DGKH: variants seen among roughly 807,000 people sequenced by gnomAD.
DGKH encodes DAG kinase eta.
Under a neutral mutation model 159.3 loss-of-function variants are expected in DGKH, and 90 were observed. The ratio of observed to expected loss-of-function variants is 0.57; its 90% CI spans 0.48 to 0.67. The LOEUF (loss-of-function observed/expected upper bound fraction) is 0.67, where lower values mean the gene tolerates loss of function less well. Ranked by LOEUF, DGKH falls within the 30% of genes least tolerant of loss-of-function variation. The pLI is 0.00. For missense variants in DGKH, 1,181 were observed against 1,506.1 expected, an observed-to-expected ratio of 0.78 and a Z score of 3.57; for synonymous variants, 536 against 553.8, an observed-to-expected ratio of 0.97 and a Z score of 0.45.
chr13:42,164,904 A>G (rs1457811478), intron 7 of DGKH, among the ~76,000 whole-genome samples: 1 of 152,194 alleles, frequency 6.6e-6, no homozygotes, highest in Non-Finnish European at 1.5e-5. Context: ...GTTAAATTTT[A>G]TAAGAATTTT....
rs1215906786 is a variant in DGKH, at chr13:42,238,546, CT to C, written c.*9361del. 1 of 152,170 alleles carries C rather than the reference CT, an allele frequency of 6.6e-6. No homozygotes were observed. The highest frequency in any genetic ancestry group is 1.5e-5 in the Non-Finnish European group (1 of 68,012). The allele number at this position is 152,170 out of a possible 1,614,324, so 9.4% of individuals were successfully genotyped here. A position where few individuals can be genotyped will look rare whatever the true frequency, so the allele number is the denominator to read the frequency against. ...TAACTCCCCAAAGAGGAAAATGTCT[CT>C]TTAAACCAGTAGTTAAAAAGATGGA... On this transcript the variant is annotated 3_prime_UTR_variant, in exon 30 of 30. Transcript: ENST00000337343.
chr13:42,244,844 CA>C (rs1958566489), downstream of DGKH, among the ~76,000 whole-genome samples: 1 of 124,696 alleles, frequency 8.0e-6, no homozygotes, highest in African/African-American at 3.1e-5. Context: ...GCGGAGCTTG[CA>C]GTGAGCCGAG....
chr13:42,069,788 A>G, intron 1 of DGKH: 1 of 1,080,122 alleles, frequency 9.3e-7, no homozygotes, highest in Non-Finnish European at 1.3e-6. Flanking sequence ...TCCAGATCAC[A>G]ATATTTGTTT....
intron 24 of DGKH, among the ~76,000 whole-genome samples, chr13:42,212,229 A>G (rs1957674605): frequency 6.6e-6 from 1 of 152,180 alleles, no homozygotes; most frequent in South Asian, 2.1e-4. Context: ...TTAGATAACT[A>G]GACTGTGTGA....
In DGKH at chr13:42,193,887, T is replaced by C. The variant is rs145508732; in HGVS notation, c.2036-998T>C. 4.6e-5 allele frequency among the ~76,000 whole-genome samples: 7 copies of C among 152,288 alleles called. No homozygotes were observed. In the East Asian group the frequency reaches 1.2e-3, roughly 25 times the overall value. On this transcript the variant is annotated intron_variant, in intron 16 of 29. Coordinates refer to ENST00000337343, the MANE Select transcript of DGKH (RefSeq NM_178009.5). The stretch of plus-strand genomic sequence containing the variant: ...TTTGAGAATTACTGTTTCTTAAAAA[T>C]ACCTACCAGTAACTCCTAAATTGGT...
Position 42,187,036 on chromosome 13 carries a change from C to G in DGKH, c.1539-13C>G. 1 of 1,609,780 alleles carries G rather than the reference C, an allele frequency of 6.2e-7. No homozygotes were observed. ...TGAAGCTTACTAAATTGTACAACTT[C>G]TTTTCCTCAAAGGACGCTATGTGAA... On this transcript the variant is annotated splice_polypyrimidine_tract_variant and intron_variant, in intron 13 of 29. Coordinates refer to ENST00000337343, the MANE Select transcript of DGKH (RefSeq NM_178009.5).
intron 24 of DGKH, 90 bp downstream of exon 24, chr13:42,210,855 G>T (rs182689443): frequency 2.3e-4 from 273 of 1,207,680 alleles, no homozygotes; most frequent in Admixed American, 4.9e-4. Context: ...TTTCAGTAGT[G>T]GTATCAAAAA....
intron 3 of DGKH, among the ~76,000 whole-genome samples, chr13:42,148,585 C>T (rs1016917939): frequency 1.3e-5 from 2 of 152,186 alleles, no homozygotes; most frequent in African/African-American, 2.4e-5. Context: ...ACCATCTACA[C>T]TGCTGCCCTG....
Position 42,209,069 on chromosome 13 carries a change from C to T in DGKH, c.2712C>T (p.Ala904=). ...TTAAACTGCAGCATCATCGAATAGC[C>T]CAGGTTGGTTTCTCTCGTCAAACCT... The part of the protein sequence containing the change: ...RVIKLQHHRI[A]QCRTVKITIF... The change falls in exon 22 of 30, where the codon GCC becomes GCT. Residue 904 remains alanine, a synonymous_variant. Transcript: ENST00000337343. 1 of 1,608,806 alleles carries T rather than the reference C, an allele frequency of 6.2e-7. No homozygotes were observed. Among genetic ancestry groups the T allele is most frequent in the East Asian group, 2.2e-5 (1 of 44,552 alleles).
At chr13:42,097,726 C>T (rs1954570080) in intron 1 of DGKH, among the ~76,000 whole-genome samples, 1 of 152,158 alleles carries the variant, frequency 6.6e-6, no homozygotes. Context: ...AACCTCCAGC[C>T]TTATTCCTGG....
At chr13:42,159,480 T>C in intron 6 of DGKH, 108 bp downstream of exon 6, 2 of 809,496 alleles carry the variant, frequency 2.5e-6, no homozygotes, top group South Asian at 1.5e-5. Context: ...TAGGATTTAA[T>C]AGAAGGTTTG....
chr13:42,187,009 C>A lies in DGKH; in HGVS notation c.1539-40C>A, dbSNP rs977915892. On this transcript the variant is annotated intron_variant, in intron 13 of 29. Coordinates refer to ENST00000337343, the MANE Select transcript of DGKH (RefSeq NM_178009.5). Reference sequence around the variant, plus strand: ...ATTCATAAATCAAGGCAAATTAATTCATGAAGCTTACTAAATTGTACAACT... The same window carrying A: ...ATTCATAAATCAAGGCAAATTAATTAATGAAGCTTACTAAATTGTACAACT... 7 of 1,527,618 alleles carry A rather than the reference C, an allele frequency of 4.6e-6. No homozygotes were observed. The African/African-American group carries it at 8.2e-5, about 18-fold the overall frequency. The allele number at this position is 1,527,618 out of a possible 1,614,324, so 94.6% of individuals were successfully genotyped here. A position where few individuals can be genotyped will look rare whatever the true frequency, so the allele number is the denominator to read the frequency against.
At chr13:42,256,271 GC>G (rs1005317760) in intron 30 of DGKH, 54 of 1,590,190 alleles carry the variant, frequency 3.4e-5, no homozygotes, top group Non-Finnish European at 4.6e-5. Context: ...CAGGCTGCTG[GC>G]GGATGCTTCA....
At position 42,053,448 on chromosome 13, in the gene DGKH, ATATATATAAC is replaced by A. The variant is rs1304908308; in HGVS notation, c.192+4499_192+4508del. On this transcript the variant is annotated intron_variant, in intron 1 of 29. Coordinates refer to ENST00000337343, the MANE Select transcript of DGKH (RefSeq NM_178009.5). ...ACTCTATATGTAGCTATATATAACT[ATATATATAAC>A]TATATATAACTATATGTATAACTAT... Among the ~76,000 whole-genome samples, 542 of 106,618 alleles carry A rather than the reference ATATATATAAC, an allele frequency of 5.1e-3. 3 individuals are homozygous for A. Among genetic ancestry groups the A allele is most frequent in the African/African-American group, 0.019 (523 of 27,736 alleles). The allele number at this position is 106,618 out of a possible 152,430, so 69.9% of individuals were successfully genotyped here.
At chr13:42,249,272 G>T (rs936141635) in intron 29 of DGKH, among the ~76,000 whole-genome samples, 2 of 152,108 alleles carry the variant, frequency 1.3e-5, no homozygotes, top group Non-Finnish European at 2.9e-5. Flanking sequence ...TACTAGAGAG[G>T]CTAAGGTGGG....
rs1270410055 is a variant in DGKH, at chr13:42,151,525, AC to A, written c.385-3765del. ...TGTGTGTATACACATGTATATATAT[AC>A]ACGTGTATATATATATATACACGTG... On this transcript the variant is annotated intron_variant, in intron 3 of 29. Transcript: ENST00000337343. Among the ~76,000 whole-genome samples the A allele has an allele frequency of 4.2e-3, 404 of 97,130 alleles. 1 individual carries two copies. The highest frequency in any genetic ancestry group is 7.1e-3 in the South Asian group (11 of 1,556). 63.7% of individuals were successfully genotyped at this position (97,130 alleles called of 152,430 possible). A position where few individuals can be genotyped will look rare whatever the true frequency, so the allele number is the denominator to read the frequency against.
At chr13:42,221,452 TC>T (rs1414914217) in intron 29 of DGKH, 58 bp downstream of exon 29, 8 of 1,595,446 alleles carry the variant, frequency 5.0e-6, no homozygotes, top group Non-Finnish European at 6.8e-6. Context: ...GAATCCTTTC[TC>T]CTGTGCCTCT....
chr13:42,190,446 G>A lies in DGKH; in HGVS notation c.1956G>A (p.Gln652=), dbSNP rs749421690. Residue 652 remains glutamine (Q), a synonymous_variant, in exon 16 of 30, where the codon CAG becomes CAA. Coordinates refer to ENST00000337343, the MANE Select transcript of DGKH (RefSeq NM_178009.5). The part of the protein sequence containing the change: ...PTVHPCEPAN[Q]SSDYDSTETD... ...TTCACCCCTGTGAACCAGCTAATCA[G>A]TCCTCTGATTATGACAGCACAGAAA... The A allele has an allele frequency of 6.2e-7, 1 of 1,611,312 alleles. No individual in the cohort carries two copies. Among genetic ancestry groups the A allele is most frequent in the Non-Finnish European group, 8.5e-7 (1 of 1,178,910 alleles).
At chr13:42,168,396 AT>A in intron 9 of DGKH, 43 bp from the exon 10 acceptor site, 2 of 1,529,494 alleles carry the variant, frequency 1.3e-6, no homozygotes, top group Non-Finnish European at 1.8e-6. Context: ...GAGGAAAGTG[AT>A]TTTTATTTCT....
Sources: gnomAD v4.1 joint callset for allele counts (sites outside exome capture counted in the v4.1 genomes callset) on GRCh38, gnomAD v4.1.1 for gene constraint, MANE v1.5 for transcripts, NCBI Gene and HGNC (gene_info 2026-07-23, HGNC 2026-07-21) for gene names.